Variants in SASH1 observed in about 807,000 individuals in gnomAD.
SASH1 encodes the protein SAM and SH3 domain containing 1, also known as SAM and SH3 domain-containing protein 1.
SASH1 carries 44 observed loss-of-function variants against 125.2 expected under a neutral mutation model. That is an observed-to-expected ratio of 0.35 (90% CI 0.28 to 0.45). The LOEUF (loss-of-function observed/expected upper bound fraction) is 0.45, where lower values mean the gene tolerates loss of function less well. Ranked by LOEUF, SASH1 falls within the 20% of genes least tolerant of loss-of-function variation. SASH1 has a pLI of 1.00. For synonymous variants in SASH1, 639 were observed against 649.1 expected (o/e 0.98, Z 0.24); for missense variants, 1,426 against 1,614.5 (o/e 0.88, Z 2.00).
chr6:148,321,294 G>A (rs1780627273), intron 1 of SASH1, among the ~76,000 whole-genome samples: 3 of 151,760 alleles, frequency 2.0e-5, no homozygotes, highest in Admixed American at 2.0e-4. Context: ...GGGAAGCTGA[G>A]GCACGAGAAT....
At chr6:148,223,304 GTTAATA>G in the SASH1 span, among the ~76,000 whole-genome samples, 1 of 152,162 alleles carries the variant, frequency 6.6e-6, no homozygotes, top group Non-Finnish European at 1.5e-5. Flanking sequence ...GATTACATGA[GTTAATA>G]TTTATAAAGT....
chr6:148,496,904 A>T (rs1387181938), intron 8 of SASH1, among the ~76,000 whole-genome samples: 1 of 152,006 alleles, frequency 6.6e-6, no homozygotes, highest in South Asian at 2.1e-4. Context: ...TAAATTTTTT[A>T]AAAATATAAA....
the SASH1 span, among the ~76,000 whole-genome samples, chr6:148,227,074 G>A: frequency 6.6e-6 from 1 of 152,166 alleles, no homozygotes; most frequent in Non-Finnish European, 1.5e-5. Context: ...ATTAGCCTAA[G>A]TATAGCTCTA....
intron 1 of SASH1, among the ~76,000 whole-genome samples, chr6:148,296,530 A>T (rs1374498163): frequency 6.6e-6 from 1 of 152,204 alleles, no homozygotes; most frequent in Non-Finnish European, 1.5e-5. Flanking sequence ...ACAATATTTC[A>T]TGTAACTCTA....
chr6:148,268,037 C>T (rs1020343516), upstream of SASH1, among the ~76,000 whole-genome samples: 17 of 152,244 alleles, frequency 1.1e-4, no homozygotes, highest in African/African-American at 1.4e-4. Flanking sequence ...ATAAATAATA[C>T]GACTTTTAGC....
chr6:148,387,801 C>T (rs543535858), intron 1 of SASH1, among the ~76,000 whole-genome samples: 3 of 150,748 alleles, frequency 2.0e-5, no homozygotes, highest in South Asian at 2.1e-4. Flanking sequence ...AGCAATAGTG[C>T]GATCTCTGCT....
At chr6:148,234,992 T>A in the SASH1 span, among the ~76,000 whole-genome samples, 1 of 152,192 alleles carries the variant, frequency 6.6e-6, no homozygotes, top group Admixed American at 6.5e-5. Flanking sequence ...TGAAGTAGAA[T>A]AGTATCCATT....
At chr6:148,274,230 G>A (rs1779131939) in intron 1 of SASH1, among the ~76,000 whole-genome samples, 2 of 152,172 alleles carry the variant, frequency 1.3e-5, no homozygotes, top group Admixed American at 6.5e-5. Context: ...ATGGCTGGCA[G>A]GTTCTCCTTT....
rs369837626 is a variant in SASH1 at position 148,390,110 on chromosome 6, G to A, written c.157-24G>A. Reference sequence around the variant, plus strand: ...TTTTCCAGGGTGGACTGACCTGACCGCCTTTGTTTGTCCACCCCTTCAGGA... The same window carrying A: ...TTTTCCAGGGTGGACTGACCTGACCACCTTTGTTTGTCCACCCCTTCAGGA... On this transcript the variant is annotated intron_variant, in intron 1 of 19. Transcript: ENST00000367467. 12 of 1,610,836 alleles carry A rather than the reference G, an allele frequency of 7.4e-6. No individual in the cohort carries two copies. The African/African-American group carries it at 9.3e-5, about 13-fold the overall frequency.
chr6:148,449,512 C>T (rs1255204332), intron 4 of SASH1, among the ~76,000 whole-genome samples: 4 of 151,948 alleles, frequency 2.6e-5, no homozygotes, highest in Non-Finnish European at 4.4e-5. Context: ...CTCAGCCTCC[C>T]GAGTAGCTGG....
chr6:148,533,294 G>GAAGA lies in SASH1; in HGVS notation c.1734+333_1734+336dup, dbSNP rs1781634188. 6.6e-6 allele frequency among the ~76,000 whole-genome samples: 1 copy of GAAGA among 152,184 alleles called. No homozygotes were observed. Among genetic ancestry groups the GAAGA allele is most frequent in the Non-Finnish European group, 1.5e-5 (1 of 68,032 alleles). ...CCTGGTTTCTGTGTTTTCTCCATCT[G>GAAGA]AAGAAAGATTTCTGCCTTCTGTGTG... On this transcript the variant is annotated intron_variant, in intron 14 of 19. Transcript: ENST00000367467. The surrounding 1 kb of genome is among the most constrained non-coding windows in gnomAD (Gnocchi z 6.2).
the SASH1 span, among the ~76,000 whole-genome samples, chr6:148,245,030 A>G: frequency 3.6e-4 from 55 of 152,022 alleles, no homozygotes; most frequent in Non-Finnish European, 1.9e-4. Context: ...TCAAATCCAC[A>G]TTCCATTACC....
upstream of SASH1, chr6:148,272,272 C>A: frequency 2.2e-6 from 1 of 452,408 alleles, no homozygotes; most frequent in South Asian, 1.6e-5. Context: ...CCATTTAGAG[C>A]CTTACATCAG....
chr6:148,360,286 G>A (rs1442339323), intron 1 of SASH1, among the ~76,000 whole-genome samples: 5 of 149,658 alleles, frequency 3.3e-5, no homozygotes, highest in Non-Finnish European at 7.4e-5. Context: ...TTGCATTTTT[G>A]TGTGATAGCT....
At chr6:148,289,861 G>GTTTTTTTTTTTTTTTT (rs144013796) in intron 1 of SASH1, among the ~76,000 whole-genome samples, 4 of 85,894 alleles carry the variant, frequency 4.7e-5, no homozygotes, top group South Asian at 4.6e-4. Context: ...TTTTGGTTGT[G>GTTTTTTTTTTTTTTTT]TTTTTTTTTT....
intron 10 of SASH1, among the ~76,000 whole-genome samples, chr6:148,523,876 TAG>T (rs1479763374): frequency 6.6e-6 from 1 of 152,112 alleles, no homozygotes; most frequent in East Asian, 1.9e-4. Flanking sequence ...CCAGCATTCA[TAG>T]AGTGTCTGCC....
chr6:148,543,544 T>A, intron 17 of SASH1, 136 bp from the exon 18 acceptor site: 1 of 652,744 alleles, frequency 1.5e-6, no homozygotes. Context: ...TCATAAATGG[T>A]GATTTTATGT....
chr6:148,423,194 C>T lies in SASH1; in HGVS notation c.286-16990C>T, dbSNP rs185689883. On this transcript the variant is annotated intron_variant, in intron 2 of 19. Transcript: ENST00000367467. ...CCTTGTGATCCGCCTGCCTCAGCCT[C>T]CCAAAGTGTTGGGATTACAGGCGTG... 7.4e-4 allele frequency among the ~76,000 whole-genome samples: 112 copies of T among 152,358 alleles called. No individual in the cohort carries two copies. The East Asian group carries it at 0.018, about 24-fold the overall frequency.
intron 2 of SASH1, among the ~76,000 whole-genome samples, chr6:148,402,888 C>T (rs13200464): frequency 0.051 from 7,674 of 151,908 alleles, 256 homozygotes; most frequent in Non-Finnish European, 0.075. Context: ...GGATTACAAG[C>T]GTGAGCCACA....
Sources: allele counts gnomAD v4.1 joint callset (sites outside exome capture counted in the v4.1 genomes callset), GRCh38; gene constraint gnomAD v4.1.1; non-coding constraint Gnocchi (gnomAD v3.1); transcripts MANE v1.5; gene names NCBI Gene and HGNC (gene_info 2026-07-23, HGNC 2026-07-21).